The following CFH variants were observed in gnomAD, a reference collection of about 807,000 sequenced individuals.
CFH encodes H factor 1 (complement).
CFH carries 53 observed loss-of-function variants against 147.3 expected under a neutral mutation model. That is an observed-to-expected ratio of 0.36 (90% confidence interval 0.29 to 0.45). The LOEUF (loss-of-function observed/expected upper bound fraction) is 0.45, where lower values mean the gene tolerates loss of function less well. Among genes scored for constraint, CFH ranks in the 20% least tolerant of loss-of-function variants. CFH has a pLI of 1.00. For synonymous variants in CFH, 536 were observed against 489.4 expected, an observed-to-expected ratio of 1.10 and a Z score of -1.26; for missense variants, 1,380 against 1,498.0, an observed-to-expected ratio of 0.92 and a Z score of 1.30.
At chr1:196,662,461 T>C (rs991747140) in intron 1 of CFH, among the ~76,000 whole-genome samples, 1 of 152,182 alleles carries the variant, frequency 6.6e-6, no homozygotes, top group African/African-American at 2.4e-5. Context: ...CTTGAACATT[T>C]ACCATTTTCT....
intron 9 of CFH, among the ~76,000 whole-genome samples, chr1:196,702,745 C>T (rs1462537319): frequency 1.3e-5 from 2 of 152,146 alleles, no homozygotes; most frequent in Non-Finnish European, 2.9e-5. Context: ...GCAGTTCCCA[C>T]CTCTGACCTG....
chr1:196,746,498 A>G (rs1368273038), intron 21 of CFH, among the ~76,000 whole-genome samples: 1 of 152,238 alleles, frequency 6.6e-6, no homozygotes, highest in African/African-American at 2.4e-5. Context: ...TTTATATTTT[A>G]TTTTAAAGCA....
chr1:196,723,546 A>G (rs1669054049), intron 11 of CFH, among the ~76,000 whole-genome samples: 1 of 152,110 alleles, frequency 6.6e-6, no homozygotes, highest in Non-Finnish European at 1.5e-5. Flanking sequence ...GGTGGCACGG[A>G]CAGGTAAGAG....
chr1:196,682,731 T>A (rs1667698723), intron 6 of CFH, among the ~76,000 whole-genome samples: 1 of 151,648 alleles, frequency 6.6e-6, no homozygotes, highest in African/African-American at 2.4e-5. Context: ...CATCAAACAC[T>A]GAAGACATAT....
chr1:196,721,295 T>G (rs112102285), intron 11 of CFH, among the ~76,000 whole-genome samples: 1 of 152,044 alleles, frequency 6.6e-6, no homozygotes, highest in African/African-American at 2.4e-5. Context: ...GTGAAGAAAA[T>G]TTTTAGTTTA....
chr1:196,666,385 T>A (rs183414435), intron 1 of CFH, among the ~76,000 whole-genome samples: 6 of 152,312 alleles, frequency 3.9e-5, no homozygotes, highest in Admixed American at 3.9e-4. Flanking sequence ...TTCTCTCTAA[T>A]CAGTGCTTCA....
At chr1:196,676,737 T>A (rs1667470868) in intron 4 of CFH, among the ~76,000 whole-genome samples, 1 of 152,096 alleles carries the variant, frequency 6.6e-6, no homozygotes, top group African/African-American at 2.4e-5. Flanking sequence ...ATTCAAAAAC[T>A]GTCAACTACA....
intron 7 of CFH, among the ~76,000 whole-genome samples, chr1:196,685,705 G>T (rs960778203): frequency 1.3e-5 from 2 of 152,034 alleles, no homozygotes; most frequent in Non-Finnish European, 2.9e-5. Context: ...TGATCAGAAG[G>T]CTTGGCTGGG....
At position 196,739,805 on chromosome 1, in the gene CFH, C is replaced by T. The variant is rs571051500; in HGVS notation, c.2783-814C>T. 3.7e-4 allele frequency among the ~76,000 whole-genome samples: 56 copies of T among 152,298 alleles called. No homozygotes were observed. In the South Asian group the frequency reaches 6.2e-3, roughly 17 times the overall value. On this transcript the variant is annotated intron_variant, in intron 17 of 21. Transcript: ENST00000367429. ...ATTTTTGGTTATCTTTACAGCAGCA[C>T]CCTACTCTCTGCAGTACCAATTTAC...
At chr1:196,699,993 A>G (rs1223252874) in intron 9 of CFH, among the ~76,000 whole-genome samples, 1 of 152,168 alleles carries the variant, frequency 6.6e-6, no homozygotes. Flanking sequence ...AAAATTTAAG[A>G]CAATATGAGA....
chr1:196,714,714 GAGAGAT>G, intron 10 of CFH, among the ~76,000 whole-genome samples: 4 of 132,686 alleles, frequency 3.0e-5, no homozygotes, highest in East Asian at 2.3e-4. Flanking sequence ...GAGAGAGAGA[GAGAGAT>G]GGAGTCTTGC....
At chr1:196,691,240 C>T (rs1213545772) in intron 9 of CFH, among the ~76,000 whole-genome samples, 1 of 151,740 alleles carries the variant, frequency 6.6e-6, no homozygotes, top group Non-Finnish European at 1.5e-5. Flanking sequence ...TACGATGATA[C>T]CCAATAATTC....
chr1:196,741,617 A>T, intron 18 of CFH: 1 of 442,092 alleles, frequency 2.3e-6, no homozygotes, highest in South Asian at 2.3e-5. Context: ...GTGAACAAAA[A>T]AATGTGTAAT....
chr1:196,666,428 A>G (rs1362708263), intron 1 of CFH, among the ~76,000 whole-genome samples: 2 of 151,846 alleles, frequency 1.3e-5, no homozygotes, highest in Non-Finnish European at 2.9e-5. Context: ...ATATATTTCC[A>G]TTATTGTTTA....
At chr1:196,663,162 G>T (rs973249924) in intron 1 of CFH, among the ~76,000 whole-genome samples, 21 of 151,864 alleles carry the variant, frequency 1.4e-4, no homozygotes, top group African/African-American at 4.6e-4. Flanking sequence ...TTAATTCTTG[G>T]ATATATTAAT....
chr1:196,688,648 T>C (rs920978255), intron 7 of CFH, among the ~76,000 whole-genome samples: 1 of 152,202 alleles, frequency 6.6e-6, no homozygotes, highest in Non-Finnish European at 1.5e-5. Context: ...TCTCACTCTG[T>C]AACCCATGCT....
intron 9 of CFH, among the ~76,000 whole-genome samples, chr1:196,711,699 C>T (rs1037155945): frequency 1.3e-5 from 2 of 152,022 alleles, no homozygotes; most frequent in African/African-American, 2.4e-5. Flanking sequence ...GTCTCTACTA[C>T]GTGACCTAGA....
chr1:196,667,854 C>T (rs1667150664), intron 1 of CFH, among the ~76,000 whole-genome samples: 1 of 152,014 alleles, frequency 6.6e-6, no homozygotes, highest in South Asian at 2.1e-4. Context: ...GGTTTAGTGG[C>T]TAACTTAGCA....
chr1:196,675,940 G>A, intron 3 of CFH, 49 bp from the exon 4 acceptor site: 1 of 1,213,728 alleles, frequency 8.2e-7, no homozygotes, highest in East Asian at 2.3e-5. Context: ...GTTTAAAACT[G>A]CATGTAAACA....
Sources: gnomAD v4.1 joint callset for allele counts (sites outside exome capture counted in the v4.1 genomes callset) on GRCh38, gnomAD v4.1.1 for gene constraint, MANE v1.5 for transcripts, NCBI Gene and HGNC (gene_info 2026-07-23, HGNC 2026-07-21) for gene names.